Variants in SLC6A9 observed in about 807,000 individuals in gnomAD.
SLC6A9 encodes the protein sodium- and chloride-dependent glycine transporter 1.
In SLC6A9, 31 loss-of-function variants were observed where a neutral mutation model predicts 70.9. The ratio of observed to expected loss-of-function variants is 0.44; its 90% confidence interval spans 0.33 to 0.59. SLC6A9 has a LOEUF of 0.59. Ranked by LOEUF, SLC6A9 falls within the 20% of genes least tolerant of loss-of-function variation. The pLI is 0.04. For synonymous variants in SLC6A9, 310 were observed against 341.3 expected, an observed-to-expected ratio of 0.91 and a Z score of 1.01; for missense variants, 631 against 845.2, an observed-to-expected ratio of 0.75 and a Z score of 3.14.
intron 1 of SLC6A9, among the ~76,000 whole-genome samples, chr1:44,025,799 CAAA>C (rs1319474277): frequency 8.7e-5 from 10 of 114,416 alleles, no homozygotes; most frequent in Non-Finnish European, 1.1e-4. Flanking sequence ...GACTCCGTCT[CAAA>C]AAAAAAAAAA....
In SLC6A9 at chr1:44,000,998, C is replaced by T. The variant is rs2086076402; in HGVS notation, c.1393G>A (p.Val465Ile). The T allele has an allele frequency of 6.3e-7, 1 of 1,585,682 alleles. No homozygotes were observed. Among genetic ancestry groups the T allele is most frequent in the Non-Finnish European group, 8.6e-7 (1 of 1,164,078 alleles). ...GCCACACACATGATGCAGGAGATGA[C>T]CACCAAGGAGAAGCTGGCCGCATAG... ...DNYAASFSLV[V>I]ISCIMCVAIM... Residue 465 changes from valine to isoleucine, a missense_variant, in exon 11 of 14, where the codon GTC becomes ATC. Val to Ile is a conservative substitution (Grantham distance 29). Coordinates refer to ENST00000372310, the MANE Select transcript of SLC6A9 (RefSeq NM_001024845.3).
intron 5 of SLC6A9, among the ~76,000 whole-genome samples, chr1:44,003,536 C>T (rs1450368322): frequency 6.6e-6 from 1 of 152,092 alleles, no homozygotes; most frequent in African/African-American, 2.4e-5. Context: ...GTGGGTGGAT[C>T]ACCTGAAGTC....
chr1:44,011,157 G>A (rs1221160511), intron 2 of SLC6A9, among the ~76,000 whole-genome samples: 2 of 152,174 alleles, frequency 1.3e-5, no homozygotes, highest in African/African-American at 2.4e-5. Flanking sequence ...TCCGGGAGGC[G>A]GGACACTGAA....
rs1354806071 is a variant in SLC6A9 at position 44,024,373 on chromosome 1, A to G, written c.-85-11T>C. ...CACAGATCTCAAGAGCTGTGGAGAG[A>G]GCAGAGGGTGAGGTGAGGACTTGGC... On this transcript the variant is annotated splice_polypyrimidine_tract_variant and intron_variant, in intron 1 of 13. Transcript: ENST00000372310. 41 of 1,493,018 alleles carry G rather than the reference A, an allele frequency of 2.7e-5. No individual in the cohort carries two copies. The East Asian group carries it at 9.0e-4, about 33-fold the overall frequency. 92.5% of individuals were successfully genotyped at this position (1,493,018 alleles called of 1,614,324 possible).
At chr1:44,004,152 G>T (rs1012857635) in intron 5 of SLC6A9, among the ~76,000 whole-genome samples, 2 of 151,596 alleles carry the variant, frequency 1.3e-5, no homozygotes, top group Admixed American at 1.3e-4. Flanking sequence ...GCACCAATAC[G>T]CTGGGCTAAT....
At position 44,002,741 on chromosome 1, in the gene SLC6A9, TCTCCGG is replaced by T; in HGVS notation, c.724-101_724-96del. On this transcript the variant is annotated intron_variant, in intron 6 of 13. Coordinates refer to ENST00000372310, the MANE Select transcript of SLC6A9 (RefSeq NM_001024845.3). This position sits in a 1 kb window ranked among gnomAD's most constrained non-coding sequence, Gnocchi z 5.5. ...TAATCACCACCAGCCCCCTGGTCCC[TCTCCGG>T]CTCCGGAGTCCCTTCAGCATCCCCT... 1 of 1,593,358 alleles carries T rather than the reference TCTCCGG, an allele frequency of 6.3e-7. No homozygotes were observed.
Position 44,002,786 on chromosome 1 carries a change from A to G in SLC6A9, c.723+67T>C. 1 of 1,599,914 alleles carries G rather than the reference A, an allele frequency of 6.3e-7. No individual in the cohort carries two copies. Among genetic ancestry groups the G allele is most frequent in the African/African-American group, 1.3e-5 (1 of 74,370 alleles). On this transcript the variant is annotated intron_variant, in intron 6 of 13. Coordinates refer to ENST00000372310, the MANE Select transcript of SLC6A9 (RefSeq NM_001024845.3). The surrounding 1 kb of genome is among the most constrained non-coding windows in gnomAD (Gnocchi z 5.5). ...TCAGCATCCCCTCCCTGCAATACACACATAACCCAGGTAGGGGGCAGGGTC... is the reference window on the plus strand; with the variant it reads ...TCAGCATCCCCTCCCTGCAATACACGCATAACCCAGGTAGGGGGCAGGGTC...
At chr1:44,005,284 G>A (rs1448942422) in intron 5 of SLC6A9, among the ~76,000 whole-genome samples, 1 of 152,202 alleles carries the variant, frequency 6.6e-6, no homozygotes, top group African/African-American at 2.4e-5. Flanking sequence ...CAGCACAGGG[G>A]ACTGGAAGGC....
chr1:44,006,211 C>CA (rs148628527), intron 5 of SLC6A9, among the ~76,000 whole-genome samples: 1,751 of 152,276 alleles, frequency 0.011, 36 homozygotes, highest in African/African-American at 0.041. Flanking sequence ...CTCGTTCTCC[C>CA]ATCGGACGGC....
chr1:44,024,283 C>T lies in SLC6A9; in HGVS notation c.-6G>A, dbSNP rs1333000980. On this transcript the variant is annotated 5_prime_UTR_variant, in exon 2 of 14. Coordinates refer to ENST00000372310, the MANE Select transcript of SLC6A9 (RefSeq NM_001024845.3). Reference sequence around the variant, plus strand: ...TTGGCACCTTTTCCTACCATGGCGGCGGTGGGTTGGGGCTCTGGTGACGGG... The same window carrying T: ...TTGGCACCTTTTCCTACCATGGCGGTGGTGGGTTGGGGCTCTGGTGACGGG... 21 of 1,614,200 alleles carry T rather than the reference C, an allele frequency of 1.3e-5. No homozygotes were observed. Among genetic ancestry groups the T allele is most frequent in the African/African-American group, 5.3e-5 (4 of 75,054 alleles).
At chr1:44,005,426 G>C (rs1270029089) in intron 5 of SLC6A9, among the ~76,000 whole-genome samples, 1 of 152,166 alleles carries the variant, frequency 6.6e-6, no homozygotes, top group Non-Finnish European at 1.5e-5. Flanking sequence ...TCTTACTTTT[G>C]ATTAGCTTCC....
chr1:44,007,992 G>A (rs1172118975), intron 5 of SLC6A9, among the ~76,000 whole-genome samples: 2 of 150,644 alleles, frequency 1.3e-5, no homozygotes, highest in East Asian at 2.0e-4. Flanking sequence ...CCGGGTTCAC[G>A]CCATTCTCCT....
Position 44,001,176 on chromosome 1 carries a change from G to A in SLC6A9, c.1323C>T (p.Pro441=), listed in dbSNP as rs199748043. The change falls in exon 10 of 14, where the codon CCC becomes CCT. Residue 441 remains proline (P), a synonymous_variant. Transcript: ENST00000372310. Reference sequence around the variant, plus strand: ...ACGCAGCTCTTACCTGGCTGGTGAGGGGGATGCCCAGCAGGAAGCCAGCCA... The same window carrying A: ...ACGCAGCTCTTACCTGGCTGGTGAGAGGGATGCCCAGCAGGAAGCCAGCCA... ...VAVAGFLLGI[P]LTSQAGIYWL... The A allele has an allele frequency of 1.2e-5, 19 of 1,614,116 alleles. No individual in the cohort carries two copies. The highest frequency in any genetic ancestry group is 1.5e-5 in the Non-Finnish European group (18 of 1,180,044).
chr1:44,010,873 C>T lies in SLC6A9; in HGVS notation c.40G>A (p.Val14Met), dbSNP rs2086541181. Reference sequence around the variant, plus strand: ...TCCCTCTTGGTGGCCTCGCTGGGCACAGCACCATTCTGTGGGGACAGGAGA... The same window carrying T: ...TCCCTCTTGGTGGCCTCGCTGGGCATAGCACCATTCTGTGGGGACAGGAGA... ...KGAKGMLNGA[V>M]PSEATKRDQN... Residue 14 changes from valine (V) to methionine (M), a missense_variant, in exon 3 of 14, where the codon GTG becomes ATG. Transcript: ENST00000372310. 1.2e-6 allele frequency: 2 copies of T among 1,614,208 alleles called. No individual in the cohort carries two copies. The highest frequency in any genetic ancestry group is 1.7e-6 in the Non-Finnish European group (2 of 1,180,012).
rs2086641285 is a variant in SLC6A9, at chr1:44,013,467, G to C, written c.31-2585C>G. Among the ~76,000 whole-genome samples, 1 of 152,254 alleles carries C rather than the reference G, an allele frequency of 6.6e-6. No homozygotes were observed. The highest frequency in any genetic ancestry group is 1.5e-5 in the Non-Finnish European group (1 of 68,046). On this transcript the variant is annotated intron_variant, in intron 2 of 13. Coordinates refer to ENST00000372310, the MANE Select transcript of SLC6A9 (RefSeq NM_001024845.3). This position sits in a 1 kb window ranked among gnomAD's most constrained non-coding sequence, Gnocchi z 5.3. ...GCTTAGCCGTGCGGGCTGTAACCCAGGGAGGCCACAGCCCCCGCGACAGGG... is the reference window on the plus strand; with the variant it reads ...GCTTAGCCGTGCGGGCTGTAACCCACGGAGGCCACAGCCCCCGCGACAGGG...
intron 4 of SLC6A9, 132 bp downstream of exon 4, chr1:44,009,833 T>C (rs888088768): frequency 1.9e-6 from 2 of 1,075,992 alleles, no homozygotes; most frequent in Non-Finnish European, 2.7e-6. Context: ...AGGCCGTTGA[T>C]GTGGGGCTTG....
intron 2 of SLC6A9, chr1:44,017,022 C>G: frequency 6.4e-7 from 1 of 1,564,768 alleles, no homozygotes; most frequent in Non-Finnish European, 8.6e-7. Flanking sequence ...AAGGAGGGGG[C>G]TCAACTTCCT....
intron 2 of SLC6A9, chr1:44,014,726 C>G (rs1306584242): frequency 6.6e-6 from 1 of 152,058 alleles, no homozygotes; most frequent in Non-Finnish European, 1.5e-5. Flanking sequence ...CCCACTCAGC[C>G]CTGGGCTTGG....
At position 44,010,822 on chromosome 1, in the gene SLC6A9, C is replaced by G; in HGVS notation, c.91G>C (p.Gly31Arg). 1 of 1,614,214 alleles carries G rather than the reference C, an allele frequency of 6.2e-7. No individual in the cohort carries two copies. Among genetic ancestry groups the G allele is most frequent in the Non-Finnish European group, 8.5e-7 (1 of 1,180,020 alleles). Residue 31 changes from glycine to arginine, a missense_variant, in exon 3 of 14, where the codon GGC becomes CGC. Physicochemically the swap from Gly to Arg is moderately radical, Grantham distance 125. Transcript: ENST00000372310. ...GTCAGTACAAACTCGATCTGGTTGCCCCAGTTGCCCCGTTTGAGGTTCTGG... is the reference window on the plus strand; with the variant it reads ...GTCAGTACAAACTCGATCTGGTTGCGCCAGTTGCCCCGTTTGAGGTTCTGG... ...RDQNLKRGNWGNQIEFVLTSV... is the reference protein window; with the variant it reads ...RDQNLKRGNWRNQIEFVLTSV...
Sources: allele counts gnomAD v4.1 joint callset (sites outside exome capture counted in the v4.1 genomes callset), GRCh38; gene constraint gnomAD v4.1.1; non-coding constraint Gnocchi (gnomAD v3.1); transcripts MANE v1.5; gene names NCBI Gene and HGNC (gene_info 2026-07-23, HGNC 2026-07-21).